RBM47: variants seen among roughly 807,000 people sequenced by gnomAD.
The protein encoded by RBM47 is RNA binding motif protein 47, also known as RNA-binding protein 47.
In RBM47, 21 loss-of-function variants were observed where a neutral mutation model predicts 47.1. The ratio of observed to expected loss-of-function variants is 0.45; its 90% confidence interval spans 0.32 to 0.64. The LOEUF (loss-of-function observed/expected upper bound fraction) is 0.64, where lower values mean the gene tolerates loss of function less well. Ranked by LOEUF, RBM47 falls within the 30% of genes least tolerant of loss-of-function variation. The pLI is 0.05. For synonymous variants in RBM47, 375 were observed against 361.7 expected (o/e 1.04, Z -0.42); for missense variants, 708 against 870.9 (o/e 0.81, Z 2.35).
chr4:40,436,828 T>C, intron 4 of RBM47, 181 bp from the exon 5 acceptor site: 1 of 712,884 alleles, frequency 1.4e-6, no homozygotes, highest in Non-Finnish European at 2.5e-6. Flanking sequence ...ATTTGCATCC[T>C]AAGCATGTCT....
At chr4:40,470,617 C>CCT (rs1718716999) in intron 2 of RBM47, among the ~76,000 whole-genome samples, 2 of 152,116 alleles carry the variant, frequency 1.3e-5, no homozygotes. Context: ...AAAAGATGCT[C>CCT]CAGTCTAATA....
At chr4:40,592,977 A>G (rs1410900664) in intron 1 of RBM47, among the ~76,000 whole-genome samples, 54 of 13,152 alleles carry the variant, frequency 4.1e-3, no homozygotes, top group South Asian at 0.023. Flanking sequence ...ATATATATAT[A>G]TATTTTTTTT....
At chr4:40,448,788 G>C (rs1275672083) in intron 3 of RBM47, among the ~76,000 whole-genome samples, 1 of 152,180 alleles carries the variant, frequency 6.6e-6, no homozygotes, top group Admixed American at 6.5e-5. Context: ...TTACTTTAAA[G>C]AATGCCACTT....
At chr4:40,579,704 G>A (rs1732696183) in intron 1 of RBM47, among the ~76,000 whole-genome samples, 1 of 151,420 alleles carries the variant, frequency 6.6e-6, no homozygotes, top group Non-Finnish European at 1.5e-5. Context: ...TTTCTCTGTG[G>A]GTCTTTGCTG....
At chr4:40,613,798 T>G (rs1033559654) in intron 1 of RBM47, among the ~76,000 whole-genome samples, 2 of 136,476 alleles carry the variant, frequency 1.5e-5, no homozygotes, top group African/African-American at 5.5e-5. Context: ...TCTTAAAAAA[T>G]AAAACTTAAA....
At chr4:40,551,567 A>C (rs1729559091) in intron 1 of RBM47, among the ~76,000 whole-genome samples, 1 of 152,098 alleles carries the variant, frequency 6.6e-6, no homozygotes, top group South Asian at 2.1e-4. Flanking sequence ...AATAACAAGC[A>C]CTTTTAAAAA....
At chr4:40,590,411 A>C (rs963719583) in intron 1 of RBM47, among the ~76,000 whole-genome samples, 1 of 151,824 alleles carries the variant, frequency 6.6e-6, no homozygotes, top group Admixed American at 6.6e-5. Context: ...AAACAAAAAA[A>C]CCCCACAAAG....
chr4:40,610,839 G>A (rs1029890191), intron 1 of RBM47, among the ~76,000 whole-genome samples: 2 of 151,954 alleles, frequency 1.3e-5, no homozygotes, highest in African/African-American at 4.8e-5. Flanking sequence ...TTTATGAGGG[G>A]TTTCTGCTTT....
chr4:40,431,636 C>G (rs564434191), intron 6 of RBM47, among the ~76,000 whole-genome samples: 1 of 135,864 alleles, frequency 7.4e-6, no homozygotes. Flanking sequence ...CCAGCCTGGG[C>G]GACAGAGCGA....
At chr4:40,494,237 C>T (rs1722277668) in intron 2 of RBM47, among the ~76,000 whole-genome samples, 1 of 152,124 alleles carries the variant, frequency 6.6e-6, no homozygotes, top group African/African-American at 2.4e-5. Context: ...CCCCCACCTC[C>T]CCAGTCACTG....
chr4:40,552,267 G>A (rs1381296749), intron 1 of RBM47, among the ~76,000 whole-genome samples: 5 of 151,556 alleles, frequency 3.3e-5, no homozygotes, highest in African/African-American at 9.7e-5. Flanking sequence ...GCATGGTGGC[G>A]GGCACCTGTA....
At chr4:40,570,479 G>T (rs7676694) in intron 1 of RBM47, among the ~76,000 whole-genome samples, 1 of 151,848 alleles carries the variant, frequency 6.6e-6, no homozygotes, top group African/African-American at 2.4e-5. Flanking sequence ...GATCTGCGAG[G>T]AATCAGAACT....
chr4:40,588,043 G>T (rs1162526081), intron 1 of RBM47, among the ~76,000 whole-genome samples: 4 of 152,106 alleles, frequency 2.6e-5, no homozygotes, highest in Admixed American at 2.6e-4. Flanking sequence ...CAGTTCATGG[G>T]GCCCTGCAAT....
chr4:40,436,424 A>G lies in RBM47; in HGVS notation c.1330+17T>C. 4.3e-6 allele frequency: 7 copies of G among 1,609,806 alleles called. No homozygotes were observed. Among genetic ancestry groups the G allele is most frequent in the South Asian group, 2.2e-5 (2 of 91,036 alleles). On this transcript the variant is annotated intron_variant, in intron 5 of 6. Coordinates refer to ENST00000295971, the MANE Select transcript of RBM47 (RefSeq NM_001098634.2). Reference sequence around the variant, plus strand: ...TTTATGCTGAATGGGAGCATTCTCAATCTGCTTCATACTGACCTGTACCAG... The same window carrying G: ...TTTATGCTGAATGGGAGCATTCTCAGTCTGCTTCATACTGACCTGTACCAG...
chr4:40,437,718 C>A, intron 4 of RBM47, 53 bp downstream of exon 4: 1 of 1,500,480 alleles, frequency 6.7e-7, no homozygotes, highest in Non-Finnish European at 9.1e-7. Flanking sequence ...GTGCCCCCTG[C>A]CTAGGAGGCA....
rs937945549 is a variant in RBM47, at chr4:40,612,561, G to A, written c.-240+16835C>T. On this transcript the variant is annotated intron_variant, in intron 1 of 6. Transcript: ENST00000295971. ...AGCTAGAAATTCTAAGAATGACTTT[G>A]TCTAAAATATATTCTCTGAAGTCTG... 7.9e-5 allele frequency among the ~76,000 whole-genome samples: 12 copies of A among 152,148 alleles called. 1 individual carries two copies. Among genetic ancestry groups the A allele is most frequent in the Admixed American group, 3.3e-4 (5 of 15,258 alleles).
chr4:40,600,401 A>G (rs373697067), intron 1 of RBM47, among the ~76,000 whole-genome samples: 1,917 of 151,480 alleles, frequency 0.013, 17 homozygotes, highest in Non-Finnish European at 0.016. Flanking sequence ...TTGGGAGGCC[A>G]AGGCGGGCGG....
chr4:40,536,733 T>A (rs1229061930), intron 2 of RBM47, among the ~76,000 whole-genome samples: 2 of 151,800 alleles, frequency 1.3e-5, no homozygotes, highest in African/African-American at 4.8e-5. Context: ...GTTTTTTTTT[T>A]ATTGTTGTTG....
chr4:40,597,453 A>G (rs1479521250), intron 1 of RBM47, among the ~76,000 whole-genome samples: 2 of 143,846 alleles, frequency 1.4e-5, no homozygotes, highest in Non-Finnish European at 3.0e-5. Context: ...AAAATTAGCC[A>G]GGCCTGTAAT....
Sources: allele counts gnomAD v4.1 joint callset (sites outside exome capture counted in the v4.1 genomes callset), GRCh38; gene constraint gnomAD v4.1.1; transcripts MANE v1.5; gene names NCBI Gene and HGNC (gene_info 2026-07-23, HGNC 2026-07-21).